ABCA6: variants seen among roughly 807,000 people sequenced by gnomAD.
The protein encoded by ABCA6 is ATP binding cassette subfamily A member 6, also known as ATP-binding cassette sub-family A member 6.
Under a neutral mutation model 191.2 loss-of-function variants are expected in ABCA6, and 164 were observed. That is an observed-to-expected ratio of 0.86 (90% confidence interval 0.76 to 0.98). The LOEUF (loss-of-function observed/expected upper bound fraction) is 0.98, where lower values mean the gene tolerates loss of function less well. ABCA6 is among the 50% of genes least tolerant of loss of function. The pLI is 0.00. For missense variants in ABCA6, 1,958 were observed against 1,894.1 expected (o/e 1.03, Z -0.63); for synonymous variants, 636 against 647.7 (o/e 0.98, Z 0.27).
intron 11 of ABCA6, among the ~76,000 whole-genome samples, chr17:69,116,889 GTGC>G (rs1169278825): frequency 3.3e-5 from 5 of 152,122 alleles, no homozygotes; most frequent in Admixed American, 1.3e-4. Flanking sequence ...ATTTTTTAAG[GTGC>G]TGCTATTTTT....
intron 9 of ABCA6, among the ~76,000 whole-genome samples, chr17:69,124,010 T>C (rs2073700775): frequency 6.6e-6 from 1 of 152,196 alleles, no homozygotes; most frequent in South Asian, 2.1e-4. Flanking sequence ...ATAAAAATAA[T>C]TGTAGACATG....
intron 32 of ABCA6, 106 bp from the exon 33 acceptor site, chr17:69,084,613 C>A: frequency 2.0e-6 from 2 of 989,110 alleles, no homozygotes; most frequent in South Asian, 1.6e-5. Flanking sequence ...ATATTATTGT[C>A]AAAATCCTAA....
At chr17:69,085,593 T>C (rs774247477) in intron 31 of ABCA6, 32 bp downstream of exon 31, 1 of 1,475,864 alleles carries the variant, frequency 6.8e-7, no homozygotes, top group East Asian at 2.3e-5. Flanking sequence ...ATGAAATTCC[T>C]GTTTTGGAAA....
intron 22 of ABCA6, among the ~76,000 whole-genome samples, chr17:69,098,770 AG>A (rs1484526311): frequency 2.0e-5 from 3 of 152,318 alleles, no homozygotes; most frequent in African/African-American, 7.2e-5. Context: ...TAATATTCAT[AG>A]AAACATAATA....
intron 11 of ABCA6, 114 bp from the exon 12 acceptor site, chr17:69,115,600 C>A: frequency 1.7e-6 from 1 of 603,208 alleles, no homozygotes; most frequent in Non-Finnish European, 2.8e-6. Context: ...TATTTCTCAG[C>A]ATTTCAATAC....
chr17:69,085,150 G>A lies in ABCA6; in HGVS notation c.4062C>T (p.Gly1354=), dbSNP rs201746594. The A allele has an allele frequency of 5.0e-6, 8 of 1,610,834 alleles. No individual in the cohort carries two copies. In the East Asian group the frequency reaches 1.6e-4, roughly 31 times the overall value. The change falls in exon 32 of 39, where the codon GGC becomes GGT. Residue 1354 remains glycine, a synonymous_variant. Coordinates refer to ENST00000284425, the MANE Select transcript of ABCA6 (RefSeq NM_080284.3). ...VELKGCSSVL[G]HLGYCPQENV... ...TCTCTTGAGGGCAGTACCCCAGGTG[G>A]CCCAAAACTGAACTGCAGCCTTTCA...
In ABCA6 at chr17:69,114,937, C is replaced by A; in HGVS notation, c.1607G>T (p.Gly536Val). 6.3e-7 allele frequency: 1 copy of A among 1,596,104 alleles called. No individual in the cohort carries two copies. ...ILNGLSVPTEGSVTIYNKNLS... is the reference protein window; with the variant it reads ...ILNGLSVPTEVSVTIYNKNLS... ...ATTTTTATTATAGATGGTAACTGAT[C>A]CTAAGAATAGAAGTTAAAAATAAAA... Residue 536 changes from glycine (G) to valine (V), a missense_variant and splice_region_variant, in exon 13 of 39, where the codon GGA becomes GTA. Gly to Val is a moderately radical substitution (Grantham distance 109). Coordinates refer to ENST00000284425, the MANE Select transcript of ABCA6 (RefSeq NM_080284.3).
intron 18 of ABCA6, 38 bp from the exon 19 acceptor site, chr17:69,106,249 T>C (rs1329571281): frequency 1.2e-5 from 18 of 1,551,806 alleles, no homozygotes; most frequent in Admixed American, 1.9e-5. Flanking sequence ...CATATTATAA[T>C]ATTAATGCCA....
chr17:69,089,519 TTCTCTGTAGTGCTCCTGGTC>T lies in ABCA6; in HGVS notation c.3532_3551del (p.Asp1178IlefsTer7). The T allele has an allele frequency of 6.2e-7, 1 of 1,613,542 alleles. No homozygotes were observed. The highest frequency in any genetic ancestry group is 8.5e-7 in the Non-Finnish European group (1 of 1,179,852). On this transcript the variant is annotated frameshift_variant, in exon 27 of 39. Transcript: ENST00000284425. LOFTEE classifies it high-confidence loss of function. ...TCAATTCAAAATTTGCCTCTGGAAA[TTCTCTGTAGTGCTCCTGGTC>T]TCTCTGAAAAGACAAAACAAAACAC...
At chr17:69,103,566 G>C (rs369501213) in intron 20 of ABCA6, among the ~76,000 whole-genome samples, 2 of 152,152 alleles carry the variant, frequency 1.3e-5, no homozygotes, top group African/African-American at 4.8e-5. Flanking sequence ...ACGTCTGACC[G>C]TGAAATACGA....
intron 36 of ABCA6, among the ~76,000 whole-genome samples, 153 bp from the exon 37 acceptor site, chr17:69,081,298 G>A (rs1329958763): frequency 6.6e-6 from 1 of 152,210 alleles, no homozygotes; most frequent in Non-Finnish European, 1.5e-5. Context: ...GCATTGTTTT[G>A]AATTGCTTTT....
chr17:69,124,898 T>G lies in ABCA6; in HGVS notation c.1257A>C (p.Lys419Asn). The change falls in exon 9 of 39, where the codon AAA (lysine) becomes AAC (asparagine). Residue 419 changes from lysine to asparagine, a missense_variant. By Grantham distance (94) the Lys-to-Asn change is moderately conservative. Coordinates refer to ENST00000284425, the MANE Select transcript of ABCA6 (RefSeq NM_080284.3). ...CTCACTATTACTTACAGGGTAAAAT[T>G]TTGTCAAAGTATAATGCCAATAGCA... ...IYLLLALYFD[K>N]ILPYGDERHY... The G allele has an allele frequency of 6.4e-7, 1 of 1,560,356 alleles. No individual in the cohort carries two copies. The highest frequency in any genetic ancestry group is 8.7e-7 in the Non-Finnish European group (1 of 1,155,292).
chr17:69,109,856 A>C (rs2073386374), intron 17 of ABCA6: 1 of 152,180 alleles, frequency 6.6e-6, no homozygotes, highest in South Asian at 2.1e-4. Context: ...TGATGCTGGC[A>C]ATTTGGATAT....
intron 13 of ABCA6, among the ~76,000 whole-genome samples, chr17:69,114,393 A>T (rs1275061511): frequency 8.1e-6 from 1 of 124,046 alleles, no homozygotes; most frequent in Non-Finnish European, 1.6e-5. Flanking sequence ...GAAGGGGAAC[A>T]TCACACATGG....
In ABCA6 at chr17:69,097,940, C is replaced by T; in HGVS notation, c.3100G>A (p.Gly1034Ser). ...CTTACCTTGTAATCACTGATGCTGC[C>T]CATGGTGATATAAGGAGAAATGCTA... ...LCSISPYITMGSISDYKKNAK... is the reference protein window; with the variant it reads ...LCSISPYITMSSISDYKKNAK... The change falls in exon 23 of 39, where the codon GGC (glycine) becomes AGC (serine). Residue 1034 changes from glycine to serine, a missense_variant. Physicochemically the swap from Gly to Ser is moderately conservative, Grantham distance 56. Transcript: ENST00000284425. The T allele has an allele frequency of 6.2e-7, 1 of 1,603,576 alleles. No homozygotes were observed. The highest frequency in any genetic ancestry group is 8.5e-7 in the Non-Finnish European group (1 of 1,176,750).
chr17:69,086,606 A>T lies in ABCA6; in HGVS notation c.3937+12T>A, dbSNP rs1207454278. The stretch of plus-strand genomic sequence containing the variant: ...AAAGTAATGGTAAGTTTTAAAAGGG[A>T]TTATTACAGACCTTCTTGAACACAG... On this transcript the variant is annotated intron_variant, in intron 30 of 38. Coordinates refer to ENST00000284425, the MANE Select transcript of ABCA6 (RefSeq NM_080284.3). 1.9e-6 allele frequency: 3 copies of T among 1,580,038 alleles called. No individual in the cohort carries two copies. The highest frequency in any genetic ancestry group is 1.4e-5 in the African/African-American group (1 of 73,952).
At chr17:69,122,272 G>A (rs1308749367) in intron 10 of ABCA6, among the ~76,000 whole-genome samples, 1 of 152,090 alleles carries the variant, frequency 6.6e-6, no homozygotes, top group Non-Finnish European at 1.5e-5. Flanking sequence ...TACATAGTCA[G>A]CACTAAGTAA....
At chr17:69,113,907 G>A (rs2073483565) in intron 13 of ABCA6, among the ~76,000 whole-genome samples, 170 bp from the exon 14 acceptor site, 1 of 152,038 alleles carries the variant, frequency 6.6e-6, no homozygotes, top group Non-Finnish European at 1.5e-5. Flanking sequence ...TAAAAAGTCA[G>A]GAAACAACAG....
rs754927902 is a variant in ABCA6, at chr17:69,086,725, AT to A, written c.3829del (p.Ile1277Ter). On this transcript the variant is annotated frameshift_variant, in exon 30 of 39. Transcript: ENST00000284425. LOFTEE classifies it high-confidence loss of function. ...TTCTTTGTGTAGACAGCTGGCAATTATAACAGGTTTCTAGAAGAGATGACAG... is the reference window on the plus strand; with the variant it reads ...TTCTTTGTGTAGACAGCTGGCAATTAAACAGGTTTCTAGAAGAGATGACAG... The part of the protein sequence containing the change: ...TTSILDEKPV[I>X]IASCLHKEYA... 87 of 1,610,336 alleles carry A rather than the reference AT, an allele frequency of 5.4e-5. No homozygotes were observed. Among genetic ancestry groups the A allele is most frequent in the Non-Finnish European group, 1.3e-5 (15 of 1,177,824 alleles).
Sources: gnomAD v4.1 joint callset for allele counts (sites outside exome capture counted in the v4.1 genomes callset) on GRCh38, gnomAD v4.1.1 for gene constraint, MANE v1.5 for transcripts, NCBI Gene and HGNC (gene_info 2026-07-23, HGNC 2026-07-21) for gene names.